Variants in SPMIP1 observed in about 807,000 individuals in gnomAD.
The protein encoded by SPMIP1 is protein SPMIP1.
the SPMIP1 span, among the ~76,000 whole-genome samples, chr7:128,868,088 G>A: frequency 6.6e-6 from 1 of 152,242 alleles, no homozygotes; most frequent in Non-Finnish European, 1.5e-5. Flanking sequence ...GAAGAGGAAA[G>A]GTGTGGAACA....
the SPMIP1 span, among the ~76,000 whole-genome samples, chr7:128,867,751 T>C: frequency 3.8e-3 from 572 of 152,274 alleles, 8 homozygotes; most frequent in African/African-American, 0.013. Context: ...TTTGTTTTTT[T>C]AGTAGAGACA....
the SPMIP1 span, chr7:128,868,542 T>G: frequency 5.3e-6 from 3 of 565,184 alleles, no homozygotes; most frequent in South Asian, 5.2e-5. Context: ...GCACTTTCTA[T>G]TTCTTCCCAC....
At chr7:128,866,356 C>T in the SPMIP1 span, 2 of 1,390,724 alleles carry the variant, frequency 1.4e-6, no homozygotes, top group Non-Finnish European at 1.9e-6. Flanking sequence ...ACTCTGCTTG[C>T]TGTGCTCACC....
At chr7:128,866,372 G>T in the SPMIP1 span, 1 of 1,482,258 alleles carries the variant, frequency 6.7e-7, no homozygotes, top group African/African-American at 1.4e-5. Context: ...TCACCCCTCA[G>T]CTGTGGCCAC....
chr7:128,870,014 C>T, the SPMIP1 span: 1 of 152,210 alleles, frequency 6.6e-6, no homozygotes, highest in Non-Finnish European at 1.5e-5. Context: ...GAGCCGCCGC[C>T]GGGCCGGGGG....
chr7:128,867,296 G>A, the SPMIP1 span, among the ~76,000 whole-genome samples: 2 of 152,234 alleles, frequency 1.3e-5, no homozygotes, highest in South Asian at 2.1e-4. Context: ...AATTCAGGAT[G>A]TTTTGGGGGA....
chr7:128,866,937 G>A, the SPMIP1 span: 1 of 1,125,882 alleles, frequency 8.9e-7, no homozygotes, highest in Non-Finnish European at 1.2e-6. Context: ...CAAGGAGATG[G>A]CCAAGAAGTG....
the SPMIP1 span, among the ~76,000 whole-genome samples, chr7:128,867,184 G>A: frequency 6.6e-6 from 1 of 152,270 alleles, no homozygotes; most frequent in Admixed American, 6.5e-5. Flanking sequence ...TATGTAGGCA[G>A]TGGCTTTTTC....
At chr7:128,869,894 C>G in the SPMIP1 span, 4 of 151,938 alleles carry the variant, frequency 2.6e-5, no homozygotes, top group Non-Finnish European at 4.4e-5. Context: ...GCAGCCCGTG[C>G]GGATCGCGCT....
At chr7:128,866,901 G>C in the SPMIP1 span, 15 of 1,408,276 alleles carry the variant, frequency 1.1e-5, no homozygotes, top group South Asian at 1.9e-4. Flanking sequence ...GGGCATCCTG[G>C]TGAAGGGTCC....
the SPMIP1 span, chr7:128,866,566 C>T: frequency 2.0e-6 from 3 of 1,535,840 alleles, no homozygotes; most frequent in Middle Eastern, 3.4e-4. Flanking sequence ...GCCCCTCAAA[C>T]TGCCCACCCT....
chr7:128,868,799 G>C, the SPMIP1 span: 1 of 1,490,764 alleles, frequency 6.7e-7, no homozygotes, highest in Admixed American at 2.1e-5. Context: ...GTGGGCTTAG[G>C]GGAGGGAAGA....
the SPMIP1 span, chr7:128,866,909 T>A: frequency 7.3e-7 from 1 of 1,363,584 alleles, no homozygotes; most frequent in South Asian, 1.4e-5. Flanking sequence ...TGGTGAAGGG[T>A]CCAGACTATA....
At chr7:128,866,916 T>C in the SPMIP1 span, 319,740 of 1,306,940 alleles carry the variant, frequency 0.24, 45,313 homozygotes, top group African/African-American at 0.54. Flanking sequence ...GGGTCCAGAC[T>C]ATAAACAGAG....
At chr7:128,871,652 T>C in the SPMIP1 span, 1 of 152,216 alleles carries the variant, frequency 6.6e-6, no homozygotes. Context: ...AATTGAGAAC[T>C]TTCCCAAGAA....
the SPMIP1 span, chr7:128,866,587 G>GCCCCCCCCCC: frequency 6.6e-7 from 1 of 1,508,504 alleles, no homozygotes; most frequent in Non-Finnish European, 8.8e-7. Context: ...GCACCCCAAA[G>GCCCCCCCCCC]CCCCACTCTC....
chr7:128,868,081 G>C, the SPMIP1 span, among the ~76,000 whole-genome samples: 2 of 152,230 alleles, frequency 1.3e-5, no homozygotes, highest in Non-Finnish European at 2.9e-5. Flanking sequence ...TAGAGATGAA[G>C]AGGAAAGGTG....
the SPMIP1 span, among the ~76,000 whole-genome samples, chr7:128,867,552 C>T: frequency 6.6e-6 from 1 of 150,892 alleles, no homozygotes; most frequent in Non-Finnish European, 1.5e-5. Flanking sequence ...ATTCGGAGGT[C>T]ATTGGAATAT....
the SPMIP1 span, among the ~76,000 whole-genome samples, chr7:128,867,097 C>A: frequency 6.6e-6 from 1 of 152,154 alleles, no homozygotes; most frequent in South Asian, 2.1e-4. Context: ...ATTTGTTGTG[C>A]AGGGAAGCTG....
Sources: allele counts gnomAD v4.1 joint callset (sites outside exome capture counted in the v4.1 genomes callset), GRCh38; gene constraint gnomAD v4.1.1; transcripts MANE v1.5; gene names NCBI Gene and HGNC (gene_info 2026-07-23, HGNC 2026-07-21).